The following RGL3 variants were observed in gnomAD, a reference collection of about 807,000 sequenced individuals.
RGL3 encodes the protein ral guanine nucleotide dissociation stimulator-like 3.
RGL3 carries 85 observed loss-of-function variants against 90.6 expected under a neutral mutation model. The ratio of observed to expected loss-of-function variants is 0.94; its 90% CI spans 0.79 to 1.12. The LOEUF (loss-of-function observed/expected upper bound fraction) is 1.12, where lower values mean the gene tolerates loss of function less well. Among genes scored for constraint, RGL3 ranks in the 50% most tolerant of loss-of-function variants. RGL3 has a pLI of 0.00. For missense variants in RGL3, 1,034 were observed against 939.2 expected (o/e 1.10, Z -1.32); for synonymous variants, 408 against 385.5 (o/e 1.06, Z -0.68).
At chr19:11,413,301 C>T (rs1002060451) in intron 5 of RGL3, among the ~76,000 whole-genome samples, 2 of 150,738 alleles carry the variant, frequency 1.3e-5, no homozygotes, top group Non-Finnish European at 3.0e-5. Context: ...TTTGGGAGAC[C>T]GAGGTGGGTG....
rs1179133399 is a variant in RGL3 at position 11,413,748 on chromosome 19, T to TG, written c.637+2188dup. 4.0e-5 allele frequency among the ~76,000 whole-genome samples: 6 copies of TG among 148,538 alleles called. No homozygotes were observed. The East Asian group carries it at 1.2e-3, about 29-fold the overall frequency. On this transcript the variant is annotated intron_variant, in intron 5 of 18. Transcript: ENST00000380456. ...TAATTATTATTATAATTTTGTTTTT[T>TG]GGTTTTTTTTTTTTAGGCAGAGTCT...
chr19:11,401,206 G>A (rs1323630088), intron 13 of RGL3, among the ~76,000 whole-genome samples: 1 of 151,408 alleles, frequency 6.6e-6, no homozygotes, highest in Non-Finnish European at 1.5e-5. Flanking sequence ...TGAAATTGAG[G>A]TCAGAGGTCA....
intron 9 of RGL3, among the ~76,000 whole-genome samples, chr19:11,404,495 C>T (rs1279185070): frequency 6.6e-6 from 1 of 152,120 alleles, no homozygotes; most frequent in African/African-American, 2.4e-5. Flanking sequence ...CCACTGCACT[C>T]CAGTCTGGGT....
chr19:11,414,192 T>TAC lies in RGL3; in HGVS notation c.637+1743_637+1744dup, dbSNP rs1296747187. On this transcript the variant is annotated intron_variant, in intron 5 of 18. Transcript: ENST00000380456. Reference sequence around the variant, plus strand: ...ATATATATATACACCTATATATATATACCTTTATATATATATATACCTTTA... The same window carrying TAC: ...ATATATATATACACCTATATATATATACACCTTTATATATATATATACCTTTA... Among the ~76,000 whole-genome samples, 6 of 100,616 alleles carry TAC rather than the reference T, an allele frequency of 6.0e-5. 1 individual carries two copies. Among genetic ancestry groups the TAC allele is most frequent in the Non-Finnish European group, 9.4e-5 (5 of 53,184 alleles). 66.0% of individuals were successfully genotyped at this position (100,616 alleles called of 152,430 possible). A position where few individuals can be genotyped will look rare whatever the true frequency, so the allele number is the denominator to read the frequency against.
intron 5 of RGL3, among the ~76,000 whole-genome samples, chr19:11,413,646 A>G (rs1013444438): frequency 1.3e-5 from 2 of 151,284 alleles, no homozygotes; most frequent in Non-Finnish European, 2.9e-5. Flanking sequence ...GGAGTTCGAG[A>G]CCAGCCTGGG....
At chr19:11,410,978 G>A (rs955896802) in intron 5 of RGL3, among the ~76,000 whole-genome samples, 4 of 152,078 alleles carry the variant, frequency 2.6e-5, no homozygotes, top group African/African-American at 4.8e-5. Flanking sequence ...GGAGGCCGAT[G>A]TGGGCAGATC....
chr19:11,397,985 C>T (rs1968608317), intron 16 of RGL3, among the ~76,000 whole-genome samples: 1 of 151,582 alleles, frequency 6.6e-6, no homozygotes, highest in Admixed American at 6.6e-5. Flanking sequence ...CTCCAGCCTG[C>T]GTGACAGAGC....
chr19:11,395,105 A>C (rs975592275), intron 18 of RGL3, among the ~76,000 whole-genome samples: 1 of 151,264 alleles, frequency 6.6e-6, no homozygotes, highest in African/African-American at 2.4e-5. Context: ...AAAAAAAAAA[A>C]CAAAAACAAA....
At chr19:11,396,901 C>A (rs1037212410) in intron 18 of RGL3, among the ~76,000 whole-genome samples, 1 of 151,924 alleles carries the variant, frequency 6.6e-6, no homozygotes, top group Non-Finnish European at 1.5e-5. Flanking sequence ...CTCCTGACCT[C>A]AAGTGATCCG....
chr19:11,414,032 C>T (rs897548782), intron 5 of RGL3, among the ~76,000 whole-genome samples: 14 of 147,934 alleles, frequency 9.5e-5, no homozygotes, highest in African/African-American at 9.9e-5. Context: ...AGGCATGAGC[C>T]GCCGCGCCCA....
Position 11,406,475 on chromosome 19 carries a change from C to A in RGL3, c.940G>T (p.Gly314Cys). Residue 314 changes from glycine (G) to cysteine (C), a missense_variant, in exon 7 of 19, where the codon GGC (glycine) becomes TGC (cysteine). Physicochemically the swap from Gly to Cys is radical, Grantham distance 159. Transcript: ENST00000380456. ...CVLGSVLGAPGLAAPQRAQRL... is the reference protein window; with the variant it reads ...CVLGSVLGAPCLAAPQRAQRL... ...TGCGCCCTCTGCGGGGCGGCCAAGC[C>A]CGGTGCTCCGAGCACGGAACCCAGC... 6.4e-7 allele frequency: 1 copy of A among 1,553,468 alleles called. No individual in the cohort carries two copies. Among genetic ancestry groups the A allele is most frequent in the South Asian group, 1.2e-5 (1 of 84,684 alleles).
In RGL3 at chr19:11,406,659, T is replaced by C. The variant is rs1407680664; in HGVS notation, c.781-25A>G. 5 of 1,591,866 alleles carry C rather than the reference T, an allele frequency of 3.1e-6. No homozygotes were observed. In the African/African-American group the frequency reaches 5.4e-5, roughly 17 times the overall value. ...CCTGGGCCAGGGGAGGGGTGTGGGA[T>C]TGGTGCTTAGCAGAACCTGTCCCCT... On this transcript the variant is annotated intron_variant, in intron 6 of 18. Transcript: ENST00000380456.
intron 16 of RGL3, among the ~76,000 whole-genome samples, chr19:11,398,912 G>A (rs1457463944): frequency 2.0e-5 from 3 of 148,894 alleles, no homozygotes; most frequent in Admixed American, 6.7e-5. Context: ...CTCGTGATCC[G>A]CCCACCTCGG....
chr19:11,403,571 C>T (rs1968718781), intron 9 of RGL3, among the ~76,000 whole-genome samples: 2 of 139,998 alleles, frequency 1.4e-5, no homozygotes, highest in Non-Finnish European at 3.0e-5. Context: ...ACCCGGGAGG[C>T]GGAGGTTGGA....
chr19:11,418,287 C>A (rs955790494), intron 2 of RGL3, among the ~76,000 whole-genome samples: 9 of 139,540 alleles, frequency 6.4e-5, no homozygotes, highest in Non-Finnish European at 9.3e-5. Context: ...CCCAGGGCTT[C>A]CCTCAGCCCT....
At position 11,397,607 on chromosome 19, in the gene RGL3, G is replaced by A. The variant is rs781716689; in HGVS notation, c.1747-10C>T. The stretch of plus-strand genomic sequence containing the variant: ...CCAGGCTCAGGGGCAGCTGCAGGCA[G>A]TAAGGGGTGGAGGCTACAGCTTGGC... On this transcript the variant is annotated splice_polypyrimidine_tract_variant and intron_variant, in intron 16 of 18. Coordinates refer to ENST00000380456, the MANE Select transcript of RGL3 (RefSeq NM_001035223.4). 1.1e-5 allele frequency: 17 copies of A among 1,537,494 alleles called. No homozygotes were observed. In the Admixed American group the frequency reaches 3.3e-4, roughly 29 times the overall value.
At chr19:11,394,804 A>C in intron 18 of RGL3, 1 of 349,184 alleles carries the variant, frequency 2.9e-6, no homozygotes, top group South Asian at 2.8e-5. Context: ...AGTTTGAGCA[A>C]ACTGGCCGGG....
chr19:11,405,067 G>T, intron 9 of RGL3, 80 bp downstream of exon 9: 1 of 1,108,750 alleles, frequency 9.0e-7, no homozygotes, highest in South Asian at 1.2e-5. Flanking sequence ...ACTATAGCAG[G>T]GAGATTACCC....
intron 13 of RGL3, among the ~76,000 whole-genome samples, chr19:11,400,543 T>C (rs572380526): frequency 7.6e-4 from 115 of 151,916 alleles, no homozygotes; most frequent in African/African-American, 2.3e-3. Context: ...AGGAATCAAA[T>C]TGGGTCAGGA....
Sources: gnomAD v4.1 joint callset for allele counts (sites outside exome capture counted in the v4.1 genomes callset) on GRCh38, gnomAD v4.1.1 for gene constraint, MANE v1.5 for transcripts, NCBI Gene and HGNC (gene_info 2026-07-23, HGNC 2026-07-21) for gene names.